SLIT3: variants seen among roughly 807,000 people sequenced by gnomAD.
SLIT3 encodes the protein slit guidance ligand 3, also known as slit homolog 3 protein.
Under a neutral mutation model 184.0 loss-of-function variants are expected in SLIT3, and 68 were observed. The observed-to-expected ratio is 0.37, with a 90% confidence interval of 0.30 to 0.45. The LOEUF (loss-of-function observed/expected upper bound fraction) is 0.45, where lower values mean the gene tolerates loss of function less well. Among genes scored for constraint, SLIT3 ranks in the 20% least tolerant of loss-of-function variants. The pLI, the probability that SLIT3 is intolerant of heterozygous loss-of-function variation, is 1.00. For synonymous variants in SLIT3, 831 were observed against 828.6 expected, an observed-to-expected ratio of 1.00 and a Z score of -0.05; for missense variants, 1,707 against 2,026.0, an observed-to-expected ratio of 0.84 and a Z score of 3.02.
chr5:168,865,087 G>A (rs976615629), intron 5 of SLIT3, among the ~76,000 whole-genome samples: 3 of 143,530 alleles, frequency 2.1e-5, no homozygotes, highest in African/African-American at 7.8e-5. Flanking sequence ...AGAATCAATT[G>A]AACCTGGGAG....
Position 169,290,133 on chromosome 5 carries a change from G to T in SLIT3, c.197+10380C>A, listed in dbSNP as rs556779477. On this transcript the variant is annotated intron_variant, in intron 1 of 35. Coordinates refer to ENST00000519560, the MANE Select transcript of SLIT3 (RefSeq NM_003062.4). The stretch of plus-strand genomic sequence containing the variant: ...CACTCGGGGATGCACTAGGGCATAC[G>T]CCAGGGCACACACTAGGAAATATGC... Among the ~76,000 whole-genome samples the T allele has an allele frequency of 3.0e-3, 447 of 150,740 alleles. 2 individuals carry two copies. Among genetic ancestry groups the T allele is most frequent in the Non-Finnish European group, 4.9e-3 (331 of 67,560 alleles).
At chr5:169,231,611 T>C (rs1765006060) in intron 3 of SLIT3, among the ~76,000 whole-genome samples, 1 of 152,256 alleles carries the variant, frequency 6.6e-6, no homozygotes, top group South Asian at 2.1e-4. Flanking sequence ...TTTATTCTAA[T>C]GTCAACGAGT....
At chr5:169,077,014 C>T (rs149148294) in intron 4 of SLIT3, among the ~76,000 whole-genome samples, 1 of 152,088 alleles carries the variant, frequency 6.6e-6, no homozygotes, top group African/African-American at 2.4e-5. Context: ...TTGAACAACA[C>T]AGGTTTGAAC....
At chr5:169,082,449 A>G (rs925388567) in intron 4 of SLIT3, among the ~76,000 whole-genome samples, 3 of 152,240 alleles carry the variant, frequency 2.0e-5, no homozygotes, top group Admixed American at 1.3e-4. Flanking sequence ...TTAAAAAATA[A>G]CACACAAAGC....
chr5:169,097,963 T>C (rs1759850897), intron 4 of SLIT3, among the ~76,000 whole-genome samples: 1 of 152,218 alleles, frequency 6.6e-6, no homozygotes, highest in Non-Finnish European at 1.5e-5. Flanking sequence ...AAGCAGGGGC[T>C]ATTCAAAATG....
intron 1 of SLIT3, among the ~76,000 whole-genome samples, chr5:169,298,117 T>G (rs1247204985): frequency 6.6e-6 from 1 of 152,140 alleles, no homozygotes; most frequent in African/African-American, 2.4e-5. Context: ...TGACCCAGCT[T>G]GCTCCTACAG....
At chr5:169,288,361 T>TC (rs1487658432) in intron 1 of SLIT3, among the ~76,000 whole-genome samples, 1 of 151,960 alleles carries the variant, frequency 6.6e-6, no homozygotes, top group Admixed American at 6.6e-5. Flanking sequence ...TTGAGTTTTT[T>TC]TTTAATTCCA....
intron 4 of SLIT3, among the ~76,000 whole-genome samples, chr5:169,103,560 T>C (rs1157691984): frequency 6.6e-6 from 1 of 152,246 alleles, no homozygotes; most frequent in Non-Finnish European, 1.5e-5. Flanking sequence ...GGGTATATTT[T>C]ATTTCTCTTT....
In SLIT3 at chr5:168,689,228, G is replaced by A. The variant is rs114342809; in HGVS notation, c.3177-2112C>T. On this transcript the variant is annotated intron_variant, in intron 29 of 35. Transcript: ENST00000519560. ...GCTGCTGGTTCAAGAACCTCTGGTA[G>A]CAAGGACCTATATAGTACTTCTCCA... Among the ~76,000 whole-genome samples the A allele has an allele frequency of 5.7e-4, 87 of 152,340 alleles. 1 individual carries two copies. Among genetic ancestry groups the A allele is most frequent in the African/African-American group, 2.0e-3 (85 of 41,586 alleles).
chr5:169,263,317 G>A (rs895086466), intron 1 of SLIT3, among the ~76,000 whole-genome samples: 4 of 152,110 alleles, frequency 2.6e-5, no homozygotes, highest in African/African-American at 7.2e-5. Flanking sequence ...CAGCCAGAGT[G>A]ACAGAGCAAG....
intron 1 of SLIT3, among the ~76,000 whole-genome samples, chr5:169,297,664 A>G (rs1432982171): frequency 3.3e-5 from 5 of 152,268 alleles, no homozygotes; most frequent in Non-Finnish European, 7.3e-5. Flanking sequence ...CCATGGCAAC[A>G]TGAACCCTGG....
intron 3 of SLIT3, among the ~76,000 whole-genome samples, chr5:169,225,139 C>G (rs540494754): frequency 1.3e-5 from 2 of 152,330 alleles, no homozygotes; most frequent in South Asian, 2.1e-4. Context: ...TAAGCACCCA[C>G]TATGTGACAA....
chr5:168,890,462 T>C (rs1173147085), intron 4 of SLIT3, among the ~76,000 whole-genome samples: 1 of 152,206 alleles, frequency 6.6e-6, no homozygotes, highest in African/African-American at 2.4e-5. Flanking sequence ...ATGGGGCTGT[T>C]GTTGTCATAG....
At chr5:169,176,680 A>G (rs1762997925) in intron 4 of SLIT3, among the ~76,000 whole-genome samples, 2 of 152,210 alleles carry the variant, frequency 1.3e-5, no homozygotes, top group Admixed American at 1.3e-4. Flanking sequence ...AGCCACAACT[A>G]TGTAACGTTG....
At chr5:169,019,829 C>A (rs533649671) in intron 4 of SLIT3, among the ~76,000 whole-genome samples, 1 of 152,194 alleles carries the variant, frequency 6.6e-6, no homozygotes, top group Admixed American at 6.5e-5. Flanking sequence ...ATGTTTGAGT[C>A]TTTTTATGTC....
intron 4 of SLIT3, among the ~76,000 whole-genome samples, chr5:168,958,709 G>A (rs1336206372): frequency 1.3e-5 from 2 of 152,222 alleles, no homozygotes; most frequent in African/African-American, 4.8e-5. Context: ...GAGAGAAGAG[G>A]GTTTCGGGAA....
intron 3 of SLIT3, among the ~76,000 whole-genome samples, chr5:169,223,025 A>G (rs984043742): frequency 3.3e-5 from 5 of 152,194 alleles, no homozygotes; most frequent in African/African-American, 7.2e-5. Context: ...TCAAAGGGGC[A>G]CTGTGACCTA....
At chr5:168,829,454 C>G (rs1186725611) in intron 6 of SLIT3, among the ~76,000 whole-genome samples, 1 of 152,232 alleles carries the variant, frequency 6.6e-6, no homozygotes, top group Non-Finnish European at 1.5e-5. Context: ...AAGAGATCCT[C>G]TTGGTGGGCT....
chr5:168,972,336 C>CGTGTGTGTGTGTGTGTGTGTGTGTGT lies in SLIT3; in HGVS notation c.414-89001_414-89000insACACACACACACACACACACACACAC, dbSNP rs1353519749. ...TTGTTGATGGCTAGCTGCAGGACAA[C>CGTGTGTGTGTGTGTGTGTGTGTGTGT]ATGTGTGTGTGTGTGTGTGTGTGTG... On this transcript the variant is annotated intron_variant, in intron 4 of 35. Coordinates refer to ENST00000519560, the MANE Select transcript of SLIT3 (RefSeq NM_003062.4). Among the ~76,000 whole-genome samples the CGTGTGTGTGTGTGTGTGTGTGTGTGT allele has an allele frequency of 5.3e-3, 210 of 39,726 alleles. 3 individuals are homozygous for CGTGTGTGTGTGTGTGTGTGTGTGTGT. Among genetic ancestry groups the CGTGTGTGTGTGTGTGTGTGTGTGTGT allele is most frequent in the Middle Eastern group, 0.023 (2 of 88 alleles). The allele number at this position is 39,726 out of a possible 152,430, so 26.1% of individuals were successfully genotyped here.
Sources: allele counts gnomAD v4.1 joint callset (sites outside exome capture counted in the v4.1 genomes callset), GRCh38; gene constraint gnomAD v4.1.1; transcripts MANE v1.5; gene names NCBI Gene and HGNC (gene_info 2026-07-23, HGNC 2026-07-21).